PLCH1: variants seen among roughly 807,000 people sequenced by gnomAD.
PLCH1 encodes phospholipase C eta 1, also known as 1-phosphatidylinositol 4,5-bisphosphate phosphodiesterase eta-1.
PLCH1 carries 60 observed loss-of-function variants against 126.7 expected under a neutral mutation model. That is an observed-to-expected ratio of 0.47 (90% CI 0.38 to 0.59). PLCH1 has a LOEUF of 0.59. Among genes scored for constraint, PLCH1 ranks in the 20% least tolerant of loss-of-function variants. PLCH1 has a pLI of 0.00. For missense variants in PLCH1, 1,723 were observed against 2,040.0 expected (o/e 0.84, Z 2.99); for synonymous variants, 719 against 734.9 (o/e 0.98, Z 0.35).
chr3:155,460,651 A>G (rs1431489375), intron 21 of PLCH1, among the ~76,000 whole-genome samples: 2 of 152,150 alleles, frequency 1.3e-5, no homozygotes, highest in Non-Finnish European at 2.9e-5. Flanking sequence ...AGAAATTAGT[A>G]CCAACAAAGA....
At chr3:155,565,141 T>TA (rs1292456218) in intron 7 of PLCH1, 23 bp from the exon 8 acceptor site, 5 of 1,539,202 alleles carry the variant, frequency 3.2e-6, no homozygotes, top group Non-Finnish European at 4.5e-6. Context: ...GAGAGTGACT[T>TA]ACTACAGCTT....
intron 7 of PLCH1, 114 bp from the exon 8 acceptor site, chr3:155,565,232 A>T: frequency 1.5e-6 from 1 of 665,472 alleles, no homozygotes; most frequent in South Asian, 1.9e-5. Flanking sequence ...ATTTACCCTC[A>T]GGATGGCATT....
intron 10 of PLCH1, among the ~76,000 whole-genome samples, chr3:155,529,079 GCTAA>G (rs1274411725): frequency 2.0e-5 from 3 of 152,152 alleles, no homozygotes; most frequent in Admixed American, 6.5e-5. Flanking sequence ...ACTTTATATG[GCTAA>G]CTAATTTAAC....
At chr3:155,492,588 A>G (rs1323417619) in intron 18 of PLCH1, 141 bp downstream of exon 18, 2 of 620,514 alleles carry the variant, frequency 3.2e-6, no homozygotes, top group East Asian at 6.7e-5. Context: ...CTTACCAATA[A>G]ATCAGTTAAT....
chr3:155,607,148 G>A (rs780873389), intron 2 of PLCH1, among the ~76,000 whole-genome samples: 1 of 152,088 alleles, frequency 6.6e-6, no homozygotes, highest in Non-Finnish European at 1.5e-5. Context: ...CAAATTTAGA[G>A]TTGCCCAGCT....
At chr3:155,627,383 C>A (rs1370770263) in intron 2 of PLCH1, among the ~76,000 whole-genome samples, 1 of 152,162 alleles carries the variant, frequency 6.6e-6, no homozygotes, top group Non-Finnish European at 1.5e-5. Flanking sequence ...GTAATCCCAG[C>A]ACTTTGGGAG....
intron 2 of PLCH1, among the ~76,000 whole-genome samples, chr3:155,629,102 G>T (rs1737713559): frequency 1.3e-5 from 2 of 152,192 alleles, no homozygotes; most frequent in Non-Finnish European, 2.9e-5. Context: ...TCGTGGTGAA[G>T]ATTAAATGAA....
chr3:155,625,265 C>T (rs12629267), intron 2 of PLCH1, among the ~76,000 whole-genome samples: 5,298 of 152,088 alleles, frequency 0.035, 122 homozygotes, highest in East Asian at 0.088. Flanking sequence ...AAGACTTAAA[C>T]GTAAGATCTA....
At position 155,514,842 on chromosome 3, in the gene PLCH1, T is replaced by C. The variant is rs1221424324; in HGVS notation, c.1513A>G (p.Lys505Glu). ...TEHQVESFIR[K>E]KLESLLKESQ... Reference sequence around the variant, plus strand: ...TCTTTTAACAGTGACTCCAGTTTTTTCCTTATGAAAGATTCCACCTGATGC... The same window carrying C: ...TCTTTTAACAGTGACTCCAGTTTTTCCCTTATGAAAGATTCCACCTGATGC... Residue 505 changes from lysine to glutamate, a missense_variant, in exon 12 of 23, where the codon AAA (lysine) becomes GAA (glutamate). Physicochemically the swap from Lys to Glu is moderately conservative, Grantham distance 56 (BLOSUM62 1). Coordinates refer to ENST00000460012, the MANE Select transcript of PLCH1 (RefSeq NM_014996.4). 3 of 1,612,028 alleles carry C rather than the reference T, an allele frequency of 1.9e-6. No homozygotes were observed. The Admixed American group carries it at 5.0e-5, about 27-fold the overall frequency.
chr3:155,729,010 C>T (rs1315324100), intron 1 of PLCH1, among the ~76,000 whole-genome samples: 1 of 152,130 alleles, frequency 6.6e-6, no homozygotes. Context: ...TCCAAAAATT[C>T]CTTGGCTTAT....
chr3:155,718,499 A>T (rs2109127554), intron 1 of PLCH1, among the ~76,000 whole-genome samples: 1 of 152,264 alleles, frequency 6.6e-6, no homozygotes, highest in South Asian at 2.1e-4. Flanking sequence ...AATTTATAAG[A>T]GGTTTAATTG....
At chr3:155,737,247 A>AAAAAAAAAAAAC (rs1749266901) in intron 1 of PLCH1, among the ~76,000 whole-genome samples, 1 of 150,516 alleles carries the variant, frequency 6.6e-6, no homozygotes, top group Non-Finnish European at 1.5e-5. Context: ...AAAAAAAAAA[A>AAAAAAAAAAAAC]AAGAGTATAT....
intron 10 of PLCH1, among the ~76,000 whole-genome samples, chr3:155,527,133 G>A (rs764255605): frequency 3.9e-5 from 6 of 152,108 alleles, no homozygotes; most frequent in Non-Finnish European, 7.4e-5. Flanking sequence ...CTAGATGGGG[G>A]GCCCATATCC....
At chr3:155,524,747 T>C (rs936408402) in intron 10 of PLCH1, among the ~76,000 whole-genome samples, 1 of 152,194 alleles carries the variant, frequency 6.6e-6, no homozygotes, top group Non-Finnish European at 1.5e-5. Flanking sequence ...CCAGGCCCAG[T>C]GGCTCACACC....
At chr3:155,483,213 A>G in intron 22 of PLCH1, 162 bp from the exon 23 acceptor site, 1 of 876,660 alleles carries the variant, frequency 1.1e-6, no homozygotes, top group Admixed American at 2.6e-5. Flanking sequence ...TGTCTGTGTG[A>G]TGAATAAATG....
chr3:155,526,456 TTCTC>T (rs1253471020), intron 10 of PLCH1, among the ~76,000 whole-genome samples: 2 of 142,698 alleles, frequency 1.4e-5, no homozygotes, highest in East Asian at 2.0e-4. Flanking sequence ...TCTCTCTCTC[TTCTC>T]TCTTTCTCTC....
chr3:155,561,656 G>A (rs1354359928), intron 8 of PLCH1, among the ~76,000 whole-genome samples: 1 of 151,984 alleles, frequency 6.6e-6, no homozygotes, highest in African/African-American at 2.4e-5. Context: ...CCCAGTAATG[G>A]GATGGCTGGG....
chr3:155,708,789 T>C (rs987549360), intron 1 of PLCH1, among the ~76,000 whole-genome samples: 3 of 152,188 alleles, frequency 2.0e-5, no homozygotes, highest in African/African-American at 7.2e-5. Flanking sequence ...GTCTAGGTAA[T>C]ATAATATGTT....
chr3:155,528,827 G>A (rs569682630), intron 10 of PLCH1, among the ~76,000 whole-genome samples: 4 of 152,234 alleles, frequency 2.6e-5, no homozygotes, highest in African/African-American at 9.6e-5. Context: ...ATGAGGTGAG[G>A]GAACAAAAAG....
Sources: allele counts gnomAD v4.1 joint callset (sites outside exome capture counted in the v4.1 genomes callset), GRCh38; gene constraint gnomAD v4.1.1; transcripts MANE v1.5; gene names NCBI Gene and HGNC (gene_info 2026-07-23, HGNC 2026-07-21).